ST6GALNAC5: variants seen among roughly 807,000 people sequenced by gnomAD.
The protein encoded by ST6GALNAC5 is alpha-N-acetylgalactosaminide alpha-2,6-sialyltransferase 5.
A neutral mutation model predicts 33.6 loss-of-function variants in ST6GALNAC5; 27 were observed. The ratio of observed to expected loss-of-function variants is 0.80; its 90% CI spans 0.59 to 1.11. The LOEUF (loss-of-function observed/expected upper bound fraction) is 1.11, where lower values mean the gene tolerates loss of function less well. Among genes scored for constraint, ST6GALNAC5 ranks in the 50% least tolerant of loss-of-function variants. The pLI is 0.00. For synonymous variants in ST6GALNAC5, 194 were observed against 171.2 expected (o/e 1.13, Z -1.04); for missense variants, 428 against 454.0 (o/e 0.94, Z 0.52).
chr1:76,907,666 G>T (rs1570660094), intron 2 of ST6GALNAC5, among the ~76,000 whole-genome samples: 2 of 151,976 alleles, frequency 1.3e-5, no homozygotes, highest in Admixed American at 1.3e-4. Flanking sequence ...TCTATCCAAG[G>T]GTCCACGTTC....
chr1:76,876,022 A>G (rs1653631127), intron 2 of ST6GALNAC5, among the ~76,000 whole-genome samples: 1 of 152,226 alleles, frequency 6.6e-6, no homozygotes, highest in Non-Finnish European at 1.5e-5. Flanking sequence ...TGTGTGTGGA[A>G]TATCATAATG....
chr1:77,002,513 T>C (rs1336597506), intron 2 of ST6GALNAC5, among the ~76,000 whole-genome samples: 5 of 151,182 alleles, frequency 3.3e-5, no homozygotes, highest in East Asian at 3.9e-4. Context: ...TGATTTTAGT[T>C]ATTTCTTGCC....
chr1:76,915,304 A>G (rs1370040388), intron 2 of ST6GALNAC5, among the ~76,000 whole-genome samples: 2,024 of 152,016 alleles, frequency 0.013, 45 homozygotes, highest in African/African-American at 0.046. Context: ...AGGGATCTAG[A>G]ACTAGAAATA....
At position 76,949,598 on chromosome 1, in the gene ST6GALNAC5, C is replaced by T. The variant is rs1647665031; in HGVS notation, c.261+80856C>T. 2.0e-5 allele frequency among the ~76,000 whole-genome samples: 3 copies of T among 152,088 alleles called. No individual in the cohort carries two copies. In the South Asian group the frequency reaches 6.2e-4, roughly 32 times the overall value. On this transcript the variant is annotated intron_variant, in intron 2 of 4. Transcript: ENST00000477717. The stretch of plus-strand genomic sequence containing the variant: ...ACAAGGGCTCTTTCAGCTGTGACAC[C>T]CTGTTATTCTGGGCATCTGTGTTCC...
chr1:77,028,885 G>T (rs1465294030), intron 2 of ST6GALNAC5, among the ~76,000 whole-genome samples: 1 of 152,180 alleles, frequency 6.6e-6, no homozygotes, highest in Non-Finnish European at 1.5e-5. Flanking sequence ...TGAATAAGTA[G>T]CTTTTACATA....
intron 2 of ST6GALNAC5, among the ~76,000 whole-genome samples, chr1:76,895,739 G>C (rs1038430733): frequency 4.6e-5 from 7 of 152,200 alleles, no homozygotes; most frequent in Admixed American, 4.6e-4. Flanking sequence ...TGTATGAGTA[G>C]TTGAGAACGG....
At chr1:77,023,234 A>G (rs1213075242) in intron 2 of ST6GALNAC5, among the ~76,000 whole-genome samples, 1 of 152,210 alleles carries the variant, frequency 6.6e-6, no homozygotes, top group African/African-American at 2.4e-5. Flanking sequence ...AAGCCACGCA[A>G]CCAGTGGTAT....
intron 2 of ST6GALNAC5, among the ~76,000 whole-genome samples, chr1:76,878,673 G>C (rs539971065): frequency 3.3e-5 from 5 of 152,066 alleles, no homozygotes; most frequent in Non-Finnish European, 2.9e-5. Context: ...AGGCGTTCTG[G>C]GTCTGTAAAC....
At chr1:77,042,288 C>A (rs1019707961) in intron 2 of ST6GALNAC5, among the ~76,000 whole-genome samples, 1 of 152,190 alleles carries the variant, frequency 6.6e-6, no homozygotes, top group Non-Finnish European at 1.5e-5. Flanking sequence ...CTGTGCTCTC[C>A]ACAGCCCCTT....
chr1:77,023,513 T>G (rs1211165101), intron 2 of ST6GALNAC5, among the ~76,000 whole-genome samples: 1 of 152,022 alleles, frequency 6.6e-6, no homozygotes, highest in African/African-American at 2.4e-5. Context: ...TGGAGGTTTG[T>G]GCTGACAAAG....
intron 2 of ST6GALNAC5, among the ~76,000 whole-genome samples, chr1:76,929,851 C>T (rs1057105335): frequency 6.6e-6 from 1 of 151,990 alleles, no homozygotes; most frequent in Admixed American, 6.6e-5. Context: ...GGGCTCATGC[C>T]TGTAATCCCA....
At chr1:76,990,203 C>T (rs1453854902) in intron 2 of ST6GALNAC5, among the ~76,000 whole-genome samples, 3 of 152,094 alleles carry the variant, frequency 2.0e-5, no homozygotes, top group African/African-American at 7.2e-5. Flanking sequence ...CACTCCATCC[C>T]CAATCTCCAC....
intron 2 of ST6GALNAC5, among the ~76,000 whole-genome samples, chr1:77,025,480 A>G (rs1413056870): frequency 6.6e-6 from 1 of 151,702 alleles, no homozygotes; most frequent in Non-Finnish European, 1.5e-5. Flanking sequence ...AGATCACACC[A>G]TTGAACTCCA....
At chr1:76,972,805 T>G (rs1020397900) in intron 2 of ST6GALNAC5, among the ~76,000 whole-genome samples, 3 of 152,208 alleles carry the variant, frequency 2.0e-5, no homozygotes, top group African/African-American at 7.2e-5. Flanking sequence ...TGAGTCTGCT[T>G]ATTTTTACCT....
At chr1:77,012,680 A>G (rs1357947968) in intron 2 of ST6GALNAC5, among the ~76,000 whole-genome samples, 4 of 152,212 alleles carry the variant, frequency 2.6e-5, no homozygotes, top group Non-Finnish European at 5.9e-5. Context: ...GATGCTTTTT[A>G]GCTGAAGTTA....
chr1:76,959,043 C>T (rs376148003), intron 2 of ST6GALNAC5, among the ~76,000 whole-genome samples: 10 of 152,314 alleles, frequency 6.6e-5, no homozygotes, highest in African/African-American at 2.2e-4. Context: ...GGCTGACTTT[C>T]GGCTCCAGCA....
chr1:76,875,620 A>G (rs1330569212), intron 2 of ST6GALNAC5, among the ~76,000 whole-genome samples: 1 of 152,156 alleles, frequency 6.6e-6, no homozygotes, highest in African/African-American at 2.4e-5. Context: ...TAAGACCTCT[A>G]GGACAGCAGA....
At chr1:76,997,881 T>C (rs2100404319) in intron 2 of ST6GALNAC5, among the ~76,000 whole-genome samples, 1 of 152,212 alleles carries the variant, frequency 6.6e-6, no homozygotes, top group Non-Finnish European at 1.5e-5. Flanking sequence ...CAAATTGTAA[T>C]AATTCCCATG....
chr1:76,904,219 A>G (rs560203861), intron 2 of ST6GALNAC5, among the ~76,000 whole-genome samples: 2 of 152,276 alleles, frequency 1.3e-5, no homozygotes, highest in African/African-American at 2.4e-5. Flanking sequence ...GTGAAAGTCT[A>G]CTACACATGT....
Sources: gnomAD v4.1 joint callset for allele counts (sites outside exome capture counted in the v4.1 genomes callset) on GRCh38, gnomAD v4.1.1 for gene constraint, MANE v1.5 for transcripts, NCBI Gene and HGNC (gene_info 2026-07-23, HGNC 2026-07-21) for gene names.